ASIC2: variants seen among roughly 807,000 people sequenced by gnomAD.
ASIC2 encodes acid sensing ion channel subunit 2.
A neutral mutation model predicts 57.3 loss-of-function variants in ASIC2; 25 were observed. The observed-to-expected ratio is 0.44, with a 90% CI of 0.32 to 0.61. The LOEUF is 0.61. ASIC2 is among the 20% of genes least tolerant of loss of function. The pLI, the probability that ASIC2 is intolerant of heterozygous loss-of-function variation, is 0.06. For synonymous variants in ASIC2, 319 were observed against 307.5 expected (o/e 1.04, Z -0.39); for missense variants, 641 against 738.1 (o/e 0.87, Z 1.52).
At chr17:33,852,805 G>A (rs1219752856) in intron 1 of ASIC2, among the ~76,000 whole-genome samples, 1 of 152,162 alleles carries the variant, frequency 6.6e-6, no homozygotes, top group Non-Finnish European at 1.5e-5. Flanking sequence ...ATTGGCTCAG[G>A]AGAGATTCTG....
chr17:33,659,097 A>T (rs564899475), intron 1 of ASIC2, among the ~76,000 whole-genome samples: 1 of 152,230 alleles, frequency 6.6e-6, no homozygotes, highest in Non-Finnish European at 1.5e-5. Context: ...GGAGGAACGC[A>T]CACACTCAGA....
chr17:34,124,120 C>T (rs1911704726), intron 1 of ASIC2, among the ~76,000 whole-genome samples: 1 of 152,032 alleles, frequency 6.6e-6, no homozygotes, highest in African/African-American at 2.4e-5. Context: ...ATATAATCTT[C>T]AAAACAACTG....
At chr17:33,702,164 C>G (rs958686200) in intron 1 of ASIC2, among the ~76,000 whole-genome samples, 1 of 152,162 alleles carries the variant, frequency 6.6e-6, no homozygotes, top group Admixed American at 6.5e-5. Flanking sequence ...GAAGCATACT[C>G]GCTTTGGTAC....
At chr17:33,344,515 T>C (rs9674859) in intron 1 of ASIC2, among the ~76,000 whole-genome samples, 35,600 of 152,088 alleles carry the variant, frequency 0.23, 4,334 homozygotes, top group East Asian at 0.4. Flanking sequence ...AATCCTGACC[T>C]GGCCACTTAC....
intron 1 of ASIC2, among the ~76,000 whole-genome samples, chr17:34,073,988 T>C (rs1353959312): frequency 6.6e-6 from 1 of 152,212 alleles, no homozygotes; most frequent in African/African-American, 2.4e-5. Context: ...GCAGCCAATA[T>C]ACGGCCTTCA....
chr17:33,971,951 T>G (rs879515515), intron 1 of ASIC2, among the ~76,000 whole-genome samples: 2 of 152,160 alleles, frequency 1.3e-5, no homozygotes, highest in Admixed American at 6.5e-5. Flanking sequence ...GTAATAATAA[T>G]AACCACCAGG....
At chr17:33,757,495 C>T (rs145813800) in intron 1 of ASIC2, among the ~76,000 whole-genome samples, 1 of 152,242 alleles carries the variant, frequency 6.6e-6, no homozygotes, top group East Asian at 1.9e-4. Context: ...TCATTTTGCA[C>T]TTAATGGCCT....
intron 1 of ASIC2, among the ~76,000 whole-genome samples, chr17:33,127,708 C>A (rs934181587): frequency 6.6e-6 from 1 of 152,190 alleles, no homozygotes; most frequent in Non-Finnish European, 1.5e-5. Flanking sequence ...TACCTTCAGC[C>A]TGCAACCGAG....
At chr17:33,374,293 G>A (rs764264010) in intron 1 of ASIC2, among the ~76,000 whole-genome samples, 20 of 152,074 alleles carry the variant, frequency 1.3e-4, no homozygotes, top group Admixed American at 2.0e-4. Context: ...CACCGCACCC[G>A]ACCCAATTGG....
chr17:34,008,308 A>T (rs1031741660), intron 1 of ASIC2, among the ~76,000 whole-genome samples: 1 of 152,208 alleles, frequency 6.6e-6, no homozygotes, highest in African/African-American at 2.4e-5. Flanking sequence ...CAGTAAGCCA[A>T]GCCATGAATC....
chr17:34,046,881 G>A (rs1908357988), intron 1 of ASIC2, among the ~76,000 whole-genome samples: 1 of 152,128 alleles, frequency 6.6e-6, no homozygotes, highest in Non-Finnish European at 1.5e-5. Context: ...TTTACTCCCA[G>A]CTGAACCACA....
At chr17:33,151,528 C>A (rs1465276063) in intron 1 of ASIC2, among the ~76,000 whole-genome samples, 1 of 152,262 alleles carries the variant, frequency 6.6e-6, no homozygotes, top group Non-Finnish European at 1.5e-5. Context: ...GAAGTTCATT[C>A]GTTGGAAACT....
chr17:33,594,171 A>C (rs970280850), intron 1 of ASIC2, among the ~76,000 whole-genome samples: 12 of 152,138 alleles, frequency 7.9e-5, no homozygotes, highest in Non-Finnish European at 5.9e-5. Flanking sequence ...GCCCTCCACT[A>C]TGTGTCCCAG....
intron 1 of ASIC2, among the ~76,000 whole-genome samples, chr17:34,044,660 T>C (rs1391178532): frequency 6.6e-6 from 1 of 152,188 alleles, no homozygotes; most frequent in Admixed American, 6.5e-5. Flanking sequence ...CCATCTCTCT[T>C]CCACTTGAGA....
chr17:33,222,754 T>C (rs1441068610), intron 1 of ASIC2, among the ~76,000 whole-genome samples: 1 of 152,208 alleles, frequency 6.6e-6, no homozygotes, highest in Non-Finnish European at 1.5e-5. Flanking sequence ...TTTATATGTT[T>C]CTTAAAAGAG....
chr17:34,128,969 T>G (rs1911872825), intron 1 of ASIC2, among the ~76,000 whole-genome samples: 1 of 152,074 alleles, frequency 6.6e-6, no homozygotes, highest in Admixed American at 6.5e-5. Context: ...GTTTCTTATA[T>G]TGAGAACTCC....
intron 1 of ASIC2, among the ~76,000 whole-genome samples, chr17:33,380,936 C>T (rs913855647): frequency 1.3e-5 from 2 of 152,206 alleles, no homozygotes; most frequent in Admixed American, 1.3e-4. Flanking sequence ...GCACCCTCTG[C>T]ACACTTGCCT....
chr17:33,931,046 G>C (rs1021225123), intron 1 of ASIC2: 11 of 152,322 alleles, frequency 7.2e-5, no homozygotes, highest in African/African-American at 2.7e-4. Flanking sequence ...AGCCTCTCTA[G>C]CAGCTGGGAC....
chr17:33,667,875 C>A (rs944401483), intron 1 of ASIC2, among the ~76,000 whole-genome samples: 10 of 152,134 alleles, frequency 6.6e-5, no homozygotes, highest in African/African-American at 2.4e-4. Context: ...TCTATAAGCA[C>A]AGCTGCTTAA....
Sources: allele counts gnomAD v4.1 joint callset (sites outside exome capture counted in the v4.1 genomes callset), GRCh38; gene constraint gnomAD v4.1.1; transcripts MANE v1.5; gene names NCBI Gene and HGNC (gene_info 2026-07-23, HGNC 2026-07-21).